The following APOOL variants were observed in gnomAD, a reference collection of about 807,000 sequenced individuals.
The protein encoded by APOOL is apolipoprotein O like.
In APOOL, 12 loss-of-function variants were observed where a neutral mutation model predicts 23.1. That is an observed-to-expected ratio of 0.52 (90% CI 0.33 to 0.84). The LOEUF (loss-of-function observed/expected upper bound fraction) is 0.84. Ranked by LOEUF, APOOL falls within the 40% of genes least tolerant of loss-of-function variation. APOOL has a pLI of 0.02. For synonymous variants in APOOL, 77 were observed against 69.9 expected, an observed-to-expected ratio of 1.10 and a Z score of -0.51; for missense variants, 212 against 199.6, an observed-to-expected ratio of 1.06 and a Z score of -0.37.
Position 85,077,416 on chromosome X carries a change from G to A in APOOL, c.718+3025G>A, listed in dbSNP as rs768591687. Among the ~76,000 whole-genome samples the A allele has an allele frequency of 3.6e-5, 4 of 110,036 alleles. No individual in the cohort carries two copies. The South Asian group carries it at 1.6e-3, about 43-fold the overall frequency. On this transcript the variant is annotated intron_variant, in intron 8 of 8. Coordinates refer to ENST00000373173, the MANE Select transcript of APOOL (RefSeq NM_198450.6). ...AATGATGGTTTCCAGCTTCATCCAT[G>A]TCCCTGCAAAGGACATGAACTCATC...
intron 5 of APOOL, among the ~76,000 whole-genome samples, chrX:85,057,240 T>C (rs1467594088): frequency 9.1e-6 from 1 of 110,220 alleles, no homozygotes; most frequent in Non-Finnish European, 1.9e-5. Context: ...TCACTAGCCA[T>C]TTTGGTCACC....
chrX:85,019,387 A>G (rs751067235), intron 1 of APOOL, among the ~76,000 whole-genome samples: 31 of 112,508 alleles, frequency 2.8e-4, no homozygotes, highest in African/African-American at 8.1e-4. Context: ...AGAAGTTACC[A>G]TCTTTGAAAC....
chrX:85,004,505 G>A (rs1210413877), intron 1 of APOOL, among the ~76,000 whole-genome samples: 1 of 112,216 alleles, frequency 8.9e-6, no homozygotes, highest in African/African-American at 3.2e-5. Context: ...GAGTGACTCA[G>A]CTGGCAGCTT....
At chrX:85,065,141 T>G (rs1221297832) in intron 5 of APOOL, among the ~76,000 whole-genome samples, 1 of 111,820 alleles carries the variant, frequency 8.9e-6, no homozygotes, top group Non-Finnish European at 1.9e-5. Flanking sequence ...AATGACCTTC[T>G]TTGTGTTTTT....
At chrX:85,022,773 T>C (rs1477205153) in intron 1 of APOOL, among the ~76,000 whole-genome samples, 6 of 111,559 alleles carry the variant, frequency 5.4e-5, no homozygotes, top group South Asian at 3.8e-4. Context: ...ATAAAAGATA[T>C]CTCAATTGAG....
At chrX:85,074,474 A>G (rs1923777938) in intron 8 of APOOL, 83 bp downstream of exon 8, 1 of 1,025,850 alleles carries the variant, frequency 9.7e-7, no homozygotes, top group African/African-American at 1.9e-5. Flanking sequence ...TGAACTTAAG[A>G]TGTGTTCTCC....
intron 1 of APOOL, among the ~76,000 whole-genome samples, chrX:85,006,971 C>T (rs989907678): frequency 4.5e-5 from 5 of 111,263 alleles, no homozygotes; most frequent in African/African-American, 1.6e-4. Context: ...AGAGGAGACA[C>T]ACTTTGCTTC....
At chrX:85,005,288 C>T (rs1423205173) in intron 1 of APOOL, among the ~76,000 whole-genome samples, 2 of 108,776 alleles carry the variant, frequency 1.8e-5, no homozygotes, top group East Asian at 2.9e-4. Context: ...GGACTACAGG[C>T]GCATGCCAAC....
At chrX:85,039,294 G>T (rs1382514208) in intron 1 of APOOL, among the ~76,000 whole-genome samples, 1 of 108,083 alleles carries the variant, frequency 9.3e-6, no homozygotes, top group Non-Finnish European at 1.9e-5. Context: ...AGTTTTTTTT[G>T]TGTGTGTATT....
At chrX:85,062,321 C>G (rs1163143518) in intron 5 of APOOL, among the ~76,000 whole-genome samples, 1 of 111,317 alleles carries the variant, frequency 9.0e-6, no homozygotes. Flanking sequence ...TGTACGTTGT[C>G]TGTTCACTCT....
At chrX:85,046,666 A>C (rs953099688) in intron 2 of APOOL, 116 bp downstream of exon 2, 5 of 574,777 alleles carry the variant, frequency 8.7e-6, no homozygotes, top group Admixed American at 8.0e-5. Flanking sequence ...TGTTAGGTAG[A>C]TATTAAAAGT....
intron 1 of APOOL, among the ~76,000 whole-genome samples, chrX:85,029,458 A>G (rs1312137287): frequency 8.9e-6 from 1 of 111,735 alleles, no homozygotes; most frequent in African/African-American, 3.3e-5. Flanking sequence ...TTCTGCTGTT[A>G]TTTTGTTTTA....
At chrX:85,060,306 T>G (rs1359602163) in intron 5 of APOOL, among the ~76,000 whole-genome samples, 1 of 106,195 alleles carries the variant, frequency 9.4e-6, no homozygotes, top group African/African-American at 3.5e-5. Context: ...TGAAGTCAGG[T>G]AGCGTGATGC....
At chrX:85,008,625 C>T (rs1240215477) in intron 1 of APOOL, among the ~76,000 whole-genome samples, 1 of 105,563 alleles carries the variant, frequency 9.5e-6, no homozygotes, top group Non-Finnish European at 1.9e-5. Context: ...TTCGATTAGA[C>T]ACTTAGGTTG....
At chrX:85,045,545 T>C (rs1922547698) in intron 1 of APOOL, among the ~76,000 whole-genome samples, 1 of 112,085 alleles carries the variant, frequency 8.9e-6, no homozygotes, top group Non-Finnish European at 1.9e-5. Context: ...CCTCATAATG[T>C]CCTTTGTCAA....
chrX:85,070,053 C>T (rs1480493160), intron 6 of APOOL, among the ~76,000 whole-genome samples: 5 of 111,692 alleles, frequency 4.5e-5, no homozygotes, highest in African/African-American at 1.3e-4. Context: ...ACTTAATAAG[C>T]ATACTAATCA....
At chrX:85,053,314 C>T (rs1184876328) in intron 3 of APOOL, among the ~76,000 whole-genome samples, 1 of 111,649 alleles carries the variant, frequency 9.0e-6, no homozygotes, top group Non-Finnish European at 1.9e-5. Flanking sequence ...TCAAGACAGT[C>T]CCTACAGAAA....
intron 8 of APOOL, among the ~76,000 whole-genome samples, chrX:85,082,488 G>A (rs926247639): frequency 9.0e-6 from 1 of 110,629 alleles, no homozygotes; most frequent in Non-Finnish European, 1.9e-5. Flanking sequence ...TGGAAGCTTT[G>A]TCCCAGAGGG....
intron 8 of APOOL, among the ~76,000 whole-genome samples, chrX:85,084,062 A>G (rs1188942055): frequency 9.1e-6 from 1 of 109,924 alleles, no homozygotes; most frequent in Non-Finnish European, 1.9e-5. Context: ...AGAGCCCTTA[A>G]TCCATTCAAG....
Sources: gnomAD v4.1 joint callset for allele counts (sites outside exome capture counted in the v4.1 genomes callset) on GRCh38, gnomAD v4.1.1 for gene constraint, MANE v1.5 for transcripts, NCBI Gene and HGNC (gene_info 2026-07-23, HGNC 2026-07-21) for gene names.